SLC12A6: variants seen among roughly 807,000 people sequenced by gnomAD.
SLC12A6 encodes K-Cl cotransporter 3.
A neutral mutation model predicts 135.3 loss-of-function variants in SLC12A6; 66 were observed. The observed-to-expected ratio is 0.49, with a 90% CI of 0.40 to 0.60. The LOEUF (loss-of-function observed/expected upper bound fraction) is 0.60. Ranked by LOEUF, SLC12A6 falls within the 20% of genes least tolerant of loss-of-function variation. The pLI, the probability that SLC12A6 is intolerant of heterozygous loss-of-function variation, is 0.00. For synonymous variants in SLC12A6, 513 were observed against 508.8 expected, an observed-to-expected ratio of 1.01 and a Z score of -0.11; for missense variants, 1,058 against 1,452.3, an observed-to-expected ratio of 0.73 and a Z score of 4.41.
intron 2 of SLC12A6, among the ~76,000 whole-genome samples, chr15:34,305,084 C>T (rs561485650): frequency 5.9e-5 from 9 of 152,136 alleles, no homozygotes; most frequent in Non-Finnish European, 1.0e-4. Context: ...CTCCTAGTTT[C>T]CAGTGTTGTG....
chr15:34,306,945 A>T (rs1896643205), intron 2 of SLC12A6, among the ~76,000 whole-genome samples: 1 of 152,236 alleles, frequency 6.6e-6, no homozygotes, highest in Non-Finnish European at 1.5e-5. Flanking sequence ...ACATTTATAT[A>T]AAATTCTAGG....
chr15:34,255,478 A>G, intron 7 of SLC12A6, 86 bp from the exon 8 acceptor site: 4 of 965,462 alleles, frequency 4.1e-6, no homozygotes, highest in Non-Finnish European at 6.6e-6. Flanking sequence ...GAAAAAATAT[A>G]TACATAAAGG....
chr15:34,330,671 AAAAAACAAAAAC>A (rs1279691270), intron 2 of SLC12A6, among the ~76,000 whole-genome samples: 1 of 151,856 alleles, frequency 6.6e-6, no homozygotes, highest in Non-Finnish European at 1.5e-5. Flanking sequence ...TGTCTCAAAA[AAAAAACAAAAAC>A]AAAAACAAAA....
chr15:34,284,277 CTT>C (rs71415558), intron 2 of SLC12A6, among the ~76,000 whole-genome samples: 201 of 92,454 alleles, frequency 2.2e-3, no homozygotes, highest in African/African-American at 8.1e-3. Context: ...TGTTTCTTTT[CTT>C]TTTTTTTTTT....
chr15:34,303,647 G>C (rs75828825), intron 2 of SLC12A6, among the ~76,000 whole-genome samples: 7,166 of 152,258 alleles, frequency 0.047, 182 homozygotes, highest in Non-Finnish European at 0.062. Context: ...GGACTAATTA[G>C]AGGTAATTAG....
At chr15:34,252,512 G>C (rs1892465187) in intron 9 of SLC12A6, 128 bp from the exon 10 acceptor site, 2 of 652,964 alleles carry the variant, frequency 3.1e-6, no homozygotes, top group African/African-American at 3.7e-5. Flanking sequence ...GGTGGGAAAG[G>C]AACTAATGTT....
At chr15:34,256,339 C>T in intron 6 of SLC12A6, 56 bp from the exon 7 acceptor site, 8 of 1,198,484 alleles carry the variant, frequency 6.7e-6, no homozygotes, top group Non-Finnish European at 1.0e-5. Context: ...CATTTCTATA[C>T]TACTTCTCCA....
chr15:34,328,186 A>G (rs892149165), intron 2 of SLC12A6, among the ~76,000 whole-genome samples: 1 of 152,078 alleles, frequency 6.6e-6, no homozygotes, highest in African/African-American at 2.4e-5. Flanking sequence ...CTATTTCTAC[A>G]GTTTTCAACT....
chr15:34,262,913 G>T (rs1182288161), intron 3 of SLC12A6, among the ~76,000 whole-genome samples: 2 of 152,226 alleles, frequency 1.3e-5, no homozygotes, highest in African/African-American at 4.8e-5. Context: ...TGAATAGACA[G>T]GGCATCTCTT....
At position 34,279,413 on chromosome 15, in the gene SLC12A6, T is replaced by C. The variant is rs181218530; in HGVS notation, c.272-4024A>G. Among the ~76,000 whole-genome samples, 14 of 152,222 alleles carry C rather than the reference T, an allele frequency of 9.2e-5. No homozygotes were observed. The East Asian group carries it at 2.5e-3, about 27-fold the overall frequency. The stretch of plus-strand genomic sequence containing the variant: ...ATATAGGCCCGTGAACCCACTAGAA[T>C]GAAACTAGTTTTGCCTGTAAAAATT... On this transcript the variant is annotated intron_variant, in intron 2 of 25. Coordinates refer to ENST00000354181, the MANE Select transcript of SLC12A6 (RefSeq NM_001365088.1).
intron 2 of SLC12A6, among the ~76,000 whole-genome samples, chr15:34,300,793 CA>C (rs71763739): frequency 1.5e-3 from 151 of 98,846 alleles, no homozygotes; most frequent in South Asian, 4.8e-3. Context: ...GACTCCGTCT[CA>C]AAAAAAAAAA....
In SLC12A6 at chr15:34,324,028, G is replaced by GT. The variant is rs573991843; in HGVS notation, c.271+12381dup. The stretch of plus-strand genomic sequence containing the variant: ...AATCATTTTGGAAAAAGTTCCAGTA[G>GT]TTTTTTTATAAATCAAAAACATATG... On this transcript the variant is annotated intron_variant, in intron 2 of 25. Coordinates refer to ENST00000354181, the MANE Select transcript of SLC12A6 (RefSeq NM_001365088.1). 9.9e-5 allele frequency among the ~76,000 whole-genome samples: 15 copies of GT among 151,514 alleles called. No individual in the cohort carries two copies. In the East Asian group the frequency reaches 2.4e-3, roughly 24 times the overall value.
intron 2 of SLC12A6, among the ~76,000 whole-genome samples, chr15:34,294,765 A>G (rs1410483388): frequency 1.3e-5 from 2 of 152,032 alleles, no homozygotes; most frequent in African/African-American, 4.8e-5. Context: ...TATATCACCC[A>G]GGCTGGTCTC....
intron 2 of SLC12A6, among the ~76,000 whole-genome samples, chr15:34,287,148 C>T (rs1474106219): frequency 1.3e-5 from 2 of 151,844 alleles, no homozygotes; most frequent in African/African-American, 2.4e-5. Flanking sequence ...CCCTACCCCC[C>T]CGGGCTCTGG....
intron 2 of SLC12A6, among the ~76,000 whole-genome samples, chr15:34,331,593 A>T (rs1889853118): frequency 6.6e-6 from 1 of 152,178 alleles, no homozygotes; most frequent in African/African-American, 2.4e-5. Flanking sequence ...CTCAATGTAT[A>T]TTTATGGTGT....
chr15:34,330,164 G>A (rs1175357359), intron 2 of SLC12A6, among the ~76,000 whole-genome samples: 1 of 152,096 alleles, frequency 6.6e-6, no homozygotes, highest in East Asian at 1.9e-4. Flanking sequence ...TTCACACACT[G>A]CATTTGGCTG....
intron 2 of SLC12A6, among the ~76,000 whole-genome samples, chr15:34,289,714 G>GT (rs1252523945): frequency 6.6e-6 from 1 of 152,116 alleles, no homozygotes; most frequent in African/African-American, 2.4e-5. Context: ...TTGGGAGGGT[G>GT]TATGTATCCA....
At chr15:34,321,611 A>G (rs1889096207) in intron 2 of SLC12A6, among the ~76,000 whole-genome samples, 1 of 152,238 alleles carries the variant, frequency 6.6e-6, no homozygotes, top group African/African-American at 2.4e-5. Flanking sequence ...AATTCCACTC[A>G]TAGGTATTTA....
At position 34,280,924 on chromosome 15, in the gene SLC12A6, C is replaced by T. The variant is rs117718115; in HGVS notation, c.272-5535G>A. ...GGACATTATGTTAAGTGAAATAAGCCAGGAACAGAAAGCTAAACACCACAT... is the reference window on the plus strand; with the variant it reads ...GGACATTATGTTAAGTGAAATAAGCTAGGAACAGAAAGCTAAACACCACAT... On this transcript the variant is annotated intron_variant, in intron 2 of 25. Coordinates refer to ENST00000354181, the MANE Select transcript of SLC12A6 (RefSeq NM_001365088.1). Among the ~76,000 whole-genome samples the T allele has an allele frequency of 1.8e-4, 28 of 151,972 alleles. No homozygotes were observed. In the East Asian group the frequency reaches 5.2e-3, roughly 28 times the overall value.
Sources: gnomAD v4.1 joint callset for allele counts (sites outside exome capture counted in the v4.1 genomes callset) on GRCh38, gnomAD v4.1.1 for gene constraint, MANE v1.5 for transcripts, NCBI Gene and HGNC (gene_info 2026-07-23, HGNC 2026-07-21) for gene names.